Variants in PALM2AKAP2 observed in about 807,000 individuals in gnomAD.
The protein encoded by PALM2AKAP2 is PALM2 and AKAP2 fusion.
A neutral mutation model predicts 71.5 loss-of-function variants in PALM2AKAP2; 37 were observed. The observed-to-expected ratio is 0.52, with a 90% confidence interval of 0.40 to 0.68. The LOEUF is 0.68. Ranked by LOEUF, PALM2AKAP2 falls within the 30% of genes least tolerant of loss-of-function variation. PALM2AKAP2 has a pLI of 0.00. For synonymous variants in PALM2AKAP2, 468 were observed against 478.8 expected (o/e 0.98, Z 0.29); for missense variants, 1,224 against 1,191.8 (o/e 1.03, Z -0.40).
chr9:109,776,340 T>C (rs1229926658), upstream of PALM2AKAP2, among the ~76,000 whole-genome samples: 1 of 152,230 alleles, frequency 6.6e-6, no homozygotes, highest in Non-Finnish European at 1.5e-5. Context: ...TGTGCCTTCC[T>C]GTTTCACCTA....
chr9:109,959,644 CA>C (rs11441362), intron 6 of PALM2AKAP2, among the ~76,000 whole-genome samples: 7,569 of 90,594 alleles, frequency 0.084, 200 homozygotes, highest in Admixed American at 0.16. Flanking sequence ...GACTCCGTCT[CA>C]AAAAAAAAAA....
At chr9:109,964,612 C>G (rs1227254665) in intron 6 of PALM2AKAP2, among the ~76,000 whole-genome samples, 1 of 152,214 alleles carries the variant, frequency 6.6e-6, no homozygotes, top group Non-Finnish European at 1.5e-5. Flanking sequence ...GTACTGGTCA[C>G]ACTGGGGAGG....
At chr9:109,643,934 T>C (rs1281031612) in intron 1 of PALM2AKAP2, among the ~76,000 whole-genome samples, 1 of 151,982 alleles carries the variant, frequency 6.6e-6, no homozygotes, top group Non-Finnish European at 1.5e-5. Context: ...CTTTCAGTCA[T>C]GGAGAAAGGT....
rs561020497 is a variant in PALM2AKAP2, at chr9:109,931,640, C to G, written c.395-287C>G. Among the ~76,000 whole-genome samples the G allele has an allele frequency of 2.0e-5, 3 of 152,204 alleles. No individual in the cohort carries two copies. The East Asian group carries it at 5.8e-4, about 29-fold the overall frequency. On this transcript the variant is annotated intron_variant, in intron 5 of 9. Transcript: ENST00000302798. ...CAAGCCCATCTCTGAATCTTCCCCC[C>G]GTCCCTGAACTCATTGTCCTCCTAG...
At chr9:109,702,347 G>A (rs890356029) in intron 1 of PALM2AKAP2, among the ~76,000 whole-genome samples, 1 of 152,162 alleles carries the variant, frequency 6.6e-6, no homozygotes, top group Non-Finnish European at 1.5e-5. Flanking sequence ...CAACCCAAAT[G>A]TCCAACAATG....
intron 1 of PALM2AKAP2, among the ~76,000 whole-genome samples, chr9:109,844,365 A>T (rs1028670251): frequency 4.6e-5 from 7 of 152,218 alleles, no homozygotes; most frequent in African/African-American, 1.7e-4. Context: ...GTCAAAATGG[A>T]AATACCCCAA....
In PALM2AKAP2 at chr9:110,135,164, A is replaced by AAAAAAAAAAT; in HGVS notation, c.157-962_157-961insAAAAAAAATA. 1.5e-4 allele frequency among the ~76,000 whole-genome samples: 8 copies of AAAAAAAAAAT among 51,736 alleles called. 1 individual carries two copies. The South Asian group carries it at 3.0e-3, about 19-fold the overall frequency. The allele number at this position is 51,736 out of a possible 152,430, so 33.9% of individuals were successfully genotyped here. A position where few individuals can be genotyped will look rare whatever the true frequency, so the allele number is the denominator to read the frequency against. Reference sequence around the variant, plus strand: ...AACTCTGTCTCTACAAAAAAAAAAAAATATATAAATATATATATATATATA... The same window carrying AAAAAAAAAAT: ...AACTCTGTCTCTACAAAAAAAAAAAAAAAAAAAAATATATATAAATATATATATATATATA... On this transcript the variant is annotated intron_variant, in intron 1 of 3. Coordinates refer to ENST00000374525, the Ensembl canonical transcript of PALM2AKAP2.
intron 2 of PALM2AKAP2, 92 bp downstream of exon 8, chr9:110,138,631 T>G: frequency 6.9e-7 from 1 of 1,450,832 alleles, no homozygotes; most frequent in East Asian, 2.5e-5. Flanking sequence ...GCCTCCTCTG[T>G]GTGTGTCTGG....
chr9:109,754,460 G>T (rs181950803), intron 1 of PALM2AKAP2, among the ~76,000 whole-genome samples: 1 of 152,176 alleles, frequency 6.6e-6, no homozygotes, highest in Non-Finnish European at 1.5e-5. Flanking sequence ...GTAGTATACA[G>T]TGTTGTTAAT....
intron 1 of PALM2AKAP2, among the ~76,000 whole-genome samples, chr9:110,116,915 T>C (rs532633028): frequency 3.3e-5 from 5 of 152,190 alleles, no homozygotes; most frequent in African/African-American, 1.2e-4. Context: ...CTTTTTAATA[T>C]GTGGATGGAA....
intron 6 of PALM2AKAP2, among the ~76,000 whole-genome samples, chr9:109,992,881 C>T (rs546506649): frequency 3.3e-5 from 5 of 151,440 alleles, no homozygotes; most frequent in Admixed American, 6.6e-5. Flanking sequence ...GAAGCATAGT[C>T]TAGCTTCCAA....
intron 7 of PALM2AKAP2, among the ~76,000 whole-genome samples, chr9:110,020,787 T>C (rs996934578): frequency 3.3e-5 from 5 of 151,984 alleles, no homozygotes; most frequent in East Asian, 1.9e-4. Flanking sequence ...GAATGTGACT[T>C]ATTTGGAAAA....
chr9:109,931,876 T>C (rs750661992), intron 5 of PALM2AKAP2, 51 bp from the exon 6 acceptor site: 20 of 1,594,254 alleles, frequency 1.3e-5, no homozygotes, highest in Admixed American at 1.0e-4. Context: ...AGTGAACCCA[T>C]TGGGCCTCCC....
chr9:109,890,369 C>G (rs974642815), intron 3 of PALM2AKAP2, among the ~76,000 whole-genome samples: 1 of 152,136 alleles, frequency 6.6e-6, no homozygotes, highest in Admixed American at 6.5e-5. Flanking sequence ...CCCGCTTCCT[C>G]CAGCCTTCCT....
At chr9:109,743,181 G>A (rs1424328900) in intron 1 of PALM2AKAP2, among the ~76,000 whole-genome samples, 1 of 152,120 alleles carries the variant, frequency 6.6e-6, no homozygotes, top group African/African-American at 2.4e-5. Flanking sequence ...AAAAAAGGGA[G>A]GGATCTTTTT....
In PALM2AKAP2 at chr9:110,071,163, C is replaced by CAAAA. The variant is rs768229567; in HGVS notation, c.156+22319_156+22322dup. ...TGGGCAACAGAGCGAGACTCTGTTTCAAAAAAAAAAAAAAGAATTGGTAGA... is the reference window on the plus strand; with the variant it reads ...TGGGCAACAGAGCGAGACTCTGTTTCAAAAAAAAAAAAAAAAAAGAATTGGTAGA... On this transcript the variant is annotated intron_variant, in intron 1 of 3. Coordinates refer to ENST00000374525, the Ensembl canonical transcript of PALM2AKAP2. Among the ~76,000 whole-genome samples the CAAAA allele has an allele frequency of 8.9e-4, 91 of 101,860 alleles. 1 individual carries two copies. The highest frequency in any genetic ancestry group is 2.9e-3 in the African/African-American group (69 of 24,166). 66.8% of individuals were successfully genotyped at this position (101,860 alleles called of 152,430 possible).
At chr9:109,768,935 C>T (rs1829209334) in intron 1 of PALM2AKAP2, among the ~76,000 whole-genome samples, 1 of 152,118 alleles carries the variant, frequency 6.6e-6, no homozygotes, top group African/African-American at 2.4e-5. Context: ...GCCTGGGCAA[C>T]ATAGTGAGAC....
chr9:110,127,207 T>C (rs1489286543), intron 1 of PALM2AKAP2, among the ~76,000 whole-genome samples: 4 of 152,200 alleles, frequency 2.6e-5, no homozygotes, highest in South Asian at 2.1e-4. Context: ...CCTAGTCACA[T>C]TGAGCTGTAA....
chr9:109,671,223 G>A (rs1827566834), intron 1 of PALM2AKAP2, among the ~76,000 whole-genome samples: 1 of 152,106 alleles, frequency 6.6e-6, no homozygotes, highest in South Asian at 2.1e-4. Flanking sequence ...GTCTTCTAGA[G>A]TTTTTATAGC....
Sources: gnomAD v4.1 joint callset for allele counts (sites outside exome capture counted in the v4.1 genomes callset) on GRCh38, gnomAD v4.1.1 for gene constraint, MANE v1.5 for transcripts, NCBI Gene and HGNC (gene_info 2026-07-23, HGNC 2026-07-21) for gene names.